The following LCA5 variants were observed in gnomAD, a reference collection of about 807,000 sequenced individuals.
LCA5 encodes lebercilin LCA5, also known as lebercilin.
LCA5 carries 37 observed loss-of-function variants against 53.0 expected under a neutral mutation model. The ratio of observed to expected loss-of-function variants is 0.70; its 90% CI spans 0.54 to 0.92. The LOEUF is 0.92. Among genes scored for constraint, LCA5 ranks in the 40% least tolerant of loss-of-function variants. The probability of loss-of-function intolerance (pLI) is 0.00; values close to 1 mark genes in which losing one functional copy is unlikely to be tolerated. For missense variants in LCA5, 806 were observed against 790.5 expected (o/e 1.02, Z -0.23); for synonymous variants, 303 against 282.9 (o/e 1.07, Z -0.71).
At chr6:79,535,506 G>A (rs1325013406) in intron 1 of LCA5, among the ~76,000 whole-genome samples, 1 of 152,144 alleles carries the variant, frequency 6.6e-6, no homozygotes, top group African/African-American at 2.4e-5. Context: ...GATTAAATAT[G>A]AAGTCTGAGA....
At chr6:79,529,002 G>A (rs1235830403) in intron 1 of LCA5, among the ~76,000 whole-genome samples, 1 of 152,164 alleles carries the variant, frequency 6.6e-6, no homozygotes, top group Non-Finnish European at 1.5e-5. Context: ...TTAGGGGTTG[G>A]CTAGAAAGTT....
intron 3 of LCA5, among the ~76,000 whole-genome samples, chr6:79,497,419 A>T (rs562034719): frequency 6.6e-6 from 1 of 152,354 alleles, no homozygotes; most frequent in Non-Finnish European, 1.5e-5. Context: ...AAGAAGGAAA[A>T]TAATATCACC....
At position 79,490,945 on chromosome 6, in the gene LCA5, C is replaced by G. The variant is rs556932703; in HGVS notation, c.1098+643G>C. Reference sequence around the variant, plus strand: ...TTAAATGAAAGTCCAACAGAGACCCCTTGAATTCCACTCTAATTTGAACAG... The same window carrying G: ...TTAAATGAAAGTCCAACAGAGACCCGTTGAATTCCACTCTAATTTGAACAG... On this transcript the variant is annotated intron_variant, in intron 6 of 7. Coordinates refer to ENST00000369846, the MANE Select transcript of LCA5 (RefSeq NM_001122769.3). Among the ~76,000 whole-genome samples, 6 of 151,992 alleles carry G rather than the reference C, an allele frequency of 3.9e-5. No homozygotes were observed. In the South Asian group the frequency reaches 1.2e-3, roughly 32 times the overall value.
chr6:79,534,587 T>C (rs916176688), intron 1 of LCA5, among the ~76,000 whole-genome samples: 1 of 151,946 alleles, frequency 6.6e-6, no homozygotes, highest in African/African-American at 2.4e-5. Context: ...TAAGTACTAA[T>C]GATAAAAGGA....
rs535314906 is a variant in LCA5 at position 79,537,135 on chromosome 6, C to G, written c.-192+30G>C. 3.3e-5 allele frequency: 5 copies of G among 153,348 alleles called. No individual in the cohort carries two copies. The East Asian group carries it at 7.7e-4, about 24-fold the overall frequency. 9.5% of individuals were successfully genotyped at this position (153,348 alleles called of 1,614,324 possible). ...CCTCACCTCGCACCTCCACCTCCCC[C>G]GCCGTCTCCACGCCCACTTCAAAGC... On this transcript the variant is annotated intron_variant, in intron 1 of 7. Transcript: ENST00000369846.
intron 5 of LCA5, among the ~76,000 whole-genome samples, chr6:79,492,270 T>G (rs1769865041): frequency 1.3e-5 from 2 of 151,902 alleles, no homozygotes; most frequent in South Asian, 4.1e-4. Context: ...TCTCTCTACT[T>G]CGGGGTATAT....
intron 3 of LCA5, among the ~76,000 whole-genome samples, chr6:79,507,931 C>T (rs983166949): frequency 3.9e-5 from 6 of 152,254 alleles, no homozygotes; most frequent in East Asian, 1.9e-4. Flanking sequence ...CATTTGCTGG[C>T]GCTGGATCTC....
At chr6:79,506,958 C>T (rs1424887132) in intron 3 of LCA5, among the ~76,000 whole-genome samples, 2 of 152,164 alleles carry the variant, frequency 1.3e-5, no homozygotes, top group South Asian at 2.1e-4. Context: ...ATACAAAACG[C>T]TCATTAATAT....
intron 7 of LCA5, 110 bp downstream of exon 7, chr6:79,488,974 G>T: frequency 8.0e-7 from 1 of 1,248,378 alleles, no homozygotes. Flanking sequence ...ACCTTTCTTT[G>T]TTCTACCTAA....
intron 7 of LCA5, 106 bp from the exon 8 acceptor site, chr6:79,487,972 A>G: frequency 2.3e-6 from 2 of 863,570 alleles, no homozygotes; most frequent in Non-Finnish European, 3.6e-6. Context: ...TGGGTATTAT[A>G]AATCAAGTGA....
chr6:79,485,080 T>C lies in LCA5; in HGVS notation c.*1924A>G, dbSNP rs760536163. The stretch of plus-strand genomic sequence containing the variant: ...AAAACAATTTACCCTGTAAGGTTTG[T>C]TCATAAGGAAAACCCTGTTTTGTAC... On this transcript the variant is annotated 3_prime_UTR_variant, in exon 8 of 8. Coordinates refer to ENST00000369846, the MANE Select transcript of LCA5 (RefSeq NM_001122769.3). The C allele has an allele frequency of 6.6e-6, 1 of 152,544 alleles. No individual in the cohort carries two copies. The highest frequency in any genetic ancestry group is 1.5e-5 in the Non-Finnish European group (1 of 67,992). 9.4% of individuals were successfully genotyped at this position (152,544 alleles called of 1,614,324 possible).
chr6:79,493,655 T>C lies in LCA5; in HGVS notation c.816A>G (p.Lys272=), dbSNP rs748413272. 2 of 1,613,622 alleles carry C rather than the reference T, an allele frequency of 1.2e-6. No individual in the cohort carries two copies. Among genetic ancestry groups the C allele is most frequent in the East Asian group, 4.5e-5 (2 of 44,838 alleles). ...KRAYEAHDEN[K]VLQKEVQRLY... ...GTCGCTGTACCTCCTTTTGAAGAAC[T>C]TTATTTTCATCATGAGCCTCATATG... The change falls in exon 4 of 8, where the codon AAA becomes AAG. Residue 272 remains lysine, a synonymous_variant. Coordinates refer to ENST00000369846, the MANE Select transcript of LCA5 (RefSeq NM_001122769.3).
intron 4 of LCA5, among the ~76,000 whole-genome samples, chr6:79,493,046 T>C (rs1323672136): frequency 6.6e-6 from 1 of 152,076 alleles, no homozygotes; most frequent in East Asian, 1.9e-4. Context: ...ATTTTGGGTC[T>C]GTGGCTTTTT....
intron 3 of LCA5, among the ~76,000 whole-genome samples, chr6:79,501,596 A>G (rs1001517635): frequency 6.6e-6 from 1 of 151,780 alleles, no homozygotes; most frequent in Admixed American, 6.6e-5. Flanking sequence ...ACAAACATGA[A>G]AGGCTTACTG....
chr6:79,535,936 T>C (rs1562117087), intron 1 of LCA5, among the ~76,000 whole-genome samples: 1 of 152,050 alleles, frequency 6.6e-6, no homozygotes, highest in Non-Finnish European at 1.5e-5. Context: ...AAGAGAAGGG[T>C]AGCATCTTTA....
intron 1 of LCA5, among the ~76,000 whole-genome samples, chr6:79,520,489 C>T (rs906152267): frequency 2.6e-5 from 4 of 152,118 alleles, no homozygotes; most frequent in African/African-American, 7.2e-5. Context: ...ATAATTTTAT[C>T]TCTCCATTAA....
At chr6:79,495,919 C>T (rs1201414218) in intron 3 of LCA5, among the ~76,000 whole-genome samples, 2 of 151,924 alleles carry the variant, frequency 1.3e-5, no homozygotes, top group African/African-American at 4.8e-5. Context: ...CAGTTCAAAC[C>T]CATGCTGTTC....
chr6:79,497,206 G>A (rs1468952313), intron 3 of LCA5, among the ~76,000 whole-genome samples: 2 of 152,054 alleles, frequency 1.3e-5, no homozygotes, highest in Non-Finnish European at 2.9e-5. Flanking sequence ...AATCATCAAC[G>A]GATGCTAAAT....
At position 79,515,671 on chromosome 6, in the gene LCA5, A is replaced by G. The variant is rs934414638; in HGVS notation, c.191-1930T>C. ...AAATGAAGAAACACTAGAAGATCCA[A>G]CCTTTCCTTCCCCATTTCATCAGCC... On this transcript the variant is annotated intron_variant, in intron 2 of 7. Coordinates refer to ENST00000369846, the MANE Select transcript of LCA5 (RefSeq NM_001122769.3). Among the ~76,000 whole-genome samples the G allele has an allele frequency of 2.0e-5, 3 of 152,066 alleles. No individual in the cohort carries two copies. In the East Asian group the frequency reaches 5.8e-4, roughly 29 times the overall value.
Sources: gnomAD v4.1 joint callset for allele counts (sites outside exome capture counted in the v4.1 genomes callset) on GRCh38, gnomAD v4.1.1 for gene constraint, MANE v1.5 for transcripts, NCBI Gene and HGNC (gene_info 2026-07-23, HGNC 2026-07-21) for gene names.